EIF4B: variants seen among roughly 807,000 people sequenced by gnomAD.
The protein encoded by EIF4B is eukaryotic translation initiation factor 4B.
A neutral mutation model predicts 79.3 loss-of-function variants in EIF4B; 8 were observed. The ratio of observed to expected loss-of-function variants is 0.10; its 90% CI spans 0.06 to 0.18. The LOEUF (loss-of-function observed/expected upper bound fraction) is 0.18. Ranked by LOEUF, EIF4B falls within the 10% of genes least tolerant of loss-of-function variation. The pLI is 1.00. For synonymous variants in EIF4B, 238 were observed against 274.7 expected, an observed-to-expected ratio of 0.87 and a Z score of 1.32; for missense variants, 515 against 792.4, an observed-to-expected ratio of 0.65 and a Z score of 4.20.
At chr12:53,040,023 A>T in intron 14 of EIF4B, 120 bp from the exon 15 acceptor site, 1 of 1,137,438 alleles carries the variant, frequency 8.8e-7, no homozygotes. Flanking sequence ...GCTGATGAGC[A>T]AGCAAGTGGG....
intron 10 of EIF4B, among the ~76,000 whole-genome samples, chr12:53,035,374 T>TA (rs1555154127): frequency 3.9e-4 from 52 of 133,974 alleles, no homozygotes; most frequent in African/African-American, 5.8e-4. Flanking sequence ...TTTATTTATT[T>TA]TCTTTTTTTT....
At chr12:53,033,723 G>A in intron 8 of EIF4B, 83 bp from the exon 9 acceptor site, 6 of 1,393,636 alleles carry the variant, frequency 4.3e-6, no homozygotes, top group Non-Finnish European at 5.8e-6. Context: ...GCATTTCATA[G>A]GAGTTATATC....
chr12:53,039,186 G>A (rs1221439594), intron 12 of EIF4B, 52 bp from the exon 13 acceptor site: 1 of 1,288,432 alleles, frequency 7.8e-7, no homozygotes, highest in Non-Finnish European at 1.1e-6. Flanking sequence ...TTAGGAGAGG[G>A]ACATTGATAC....
Position 53,034,081 on chromosome 12 carries a change from A to G in EIF4B, c.1208+47A>G, listed in dbSNP as rs952115776. On this transcript the variant is annotated intron_variant, in intron 9 of 14. Transcript: ENST00000262056. ...CCCATCTAGGAATCCGGTGGTTCGT[A>G]ATGGGGGCATTACATCCCCAGGGGC... 6 of 1,545,056 alleles carry G rather than the reference A, an allele frequency of 3.9e-6. No homozygotes were observed. The Admixed American group carries it at 1.2e-4, about 31-fold the overall frequency.
intron 14 of EIF4B, 194 bp downstream of exon 14, chr12:53,039,896 C>T: frequency 5.2e-6 from 4 of 768,078 alleles, no homozygotes; most frequent in Non-Finnish European, 6.2e-6. Context: ...TAGCTTTTTC[C>T]TGGTTTCTGT....
In EIF4B at chr12:53,008,983, C is replaced by A. The variant is rs540339846; in HGVS notation, c.13+2487C>A. ...CTGGGAGGGGGAGATTGCAGTGAAC[C>A]GAGATTGTGCCATTGCACTCCAGCC... On this transcript the variant is annotated intron_variant, in intron 1 of 14. Coordinates refer to ENST00000262056, the MANE Select transcript of EIF4B (RefSeq NM_001417.7). 2.6e-5 allele frequency among the ~76,000 whole-genome samples: 4 copies of A among 152,098 alleles called. No individual in the cohort carries two copies. In the East Asian group the frequency reaches 7.7e-4, roughly 29 times the overall value.
intron 3 of EIF4B, among the ~76,000 whole-genome samples, chr12:53,019,431 A>ATTTTTTTT (rs1555151903): frequency 2.6e-4 from 9 of 35,194 alleles, no homozygotes; most frequent in Non-Finnish European, 7.3e-4. Context: ...AATTATATAT[A>ATTTTTTTT]TATATATTTT....
At position 53,039,260 on chromosome 12, in the gene EIF4B, G is replaced by T. The variant is rs1943589492; in HGVS notation, c.1599G>T (p.Met533Ile). Residue 533 changes from methionine (M) to isoleucine (I), a missense_variant, in exon 13 of 15, where the codon ATG becomes ATT. Coordinates refer to ENST00000262056, the MANE Select transcript of EIF4B (RefSeq NM_001417.7). Reference sequence around the variant, plus strand: ...CAGATGAAAATAAAGTAGATGGGATGAATGCCCCAAAAGGCCAAACTGGGA... The same window carrying T: ...CAGATGAAAATAAAGTAGATGGGATTAATGCCCCAAAAGGCCAAACTGGGA... ...GRKDENKVDGMNAPKGQTGNS... is the reference protein window; with the variant it reads ...GRKDENKVDGINAPKGQTGNS... The T allele has an allele frequency of 6.2e-7, 1 of 1,609,366 alleles. No individual in the cohort carries two copies. The highest frequency in any genetic ancestry group is 8.5e-7 in the Non-Finnish European group (1 of 1,177,432).
chr12:53,019,433 ATATATTTTTTTTTTTTCT>A (rs1264210379), intron 3 of EIF4B, among the ~76,000 whole-genome samples: 3 of 32,906 alleles, frequency 9.1e-5, no homozygotes, highest in Non-Finnish European at 2.5e-4. Context: ...TTATATATAT[ATATATTTTTTTTTTTTCT>A]TTTTTTTTTT....
chr12:53,028,200 CTTTTT>C lies in EIF4B; in HGVS notation c.979+13_979+17del, dbSNP rs758597549. ...GCGTGATGATAGAGGTAATAGTTTT[CTTTTT>C]ACGTACTTCATGGAGCAGAAACTGG... On this transcript the variant is annotated intron_variant, in intron 8 of 14. Transcript: ENST00000262056. 1.3e-6 allele frequency: 2 copies of C among 1,555,082 alleles called. No individual in the cohort carries two copies. Among genetic ancestry groups the C allele is most frequent in the East Asian group, 4.5e-5 (2 of 44,332 alleles).
chr12:53,021,624 G>T lies in EIF4B; in HGVS notation c.478-182G>T, dbSNP rs985200965. On this transcript the variant is annotated intron_variant, in intron 4 of 14. Coordinates refer to ENST00000262056, the MANE Select transcript of EIF4B (RefSeq NM_001417.7). ...TAATATTCAAGGCCAGCTTAAATTT[G>T]TTTAACTTTTAAGTCTTTTAAAGGA... is the stretch of plus-strand genomic sequence containing the variant. The T allele has an allele frequency of 8.5e-6, 6 of 707,790 alleles. No individual in the cohort carries two copies. In the African/African-American group the frequency reaches 1.1e-4, roughly 13 times the overall value. 43.8% of individuals were successfully genotyped at this position (707,790 alleles called of 1,614,324 possible).
intron 8 of EIF4B, among the ~76,000 whole-genome samples, chr12:53,028,830 A>C (rs1186495839): frequency 6.6e-6 from 1 of 152,076 alleles, no homozygotes; most frequent in African/African-American, 2.4e-5. Flanking sequence ...ATGGGGTTAA[A>C]AACGAAGCAT....
chr12:53,037,849 C>T (rs1943564900), intron 11 of EIF4B: 2 of 569,794 alleles, frequency 3.5e-6, no homozygotes, highest in Non-Finnish European at 6.3e-6. Context: ...GTACTAATGC[C>T]GCACAAATCT....
chr12:53,009,701 A>G (rs1440513214), intron 1 of EIF4B, among the ~76,000 whole-genome samples: 5 of 152,136 alleles, frequency 3.3e-5, no homozygotes, highest in Non-Finnish European at 5.9e-5. Context: ...GCCATTATAT[A>G]TTGCTTACAG....
chr12:53,023,263 C>T (rs1017742251), intron 6 of EIF4B, among the ~76,000 whole-genome samples: 1 of 152,222 alleles, frequency 6.6e-6, no homozygotes, highest in East Asian at 1.9e-4. Context: ...GACGGAGTCT[C>T]GCTGTGTCGC....
chr12:53,037,281 G>C (rs771419715), intron 10 of EIF4B, 128 bp from the exon 11 acceptor site: 6 of 985,762 alleles, frequency 6.1e-6, no homozygotes, highest in Non-Finnish European at 9.0e-6. Flanking sequence ...TAAACCACTG[G>C]TTTAGGGATA....
intron 2 of EIF4B, 160 bp from the exon 3 acceptor site, chr12:53,018,638 T>G: frequency 1.6e-6 from 1 of 639,158 alleles, no homozygotes; most frequent in East Asian, 2.7e-5. Context: ...CTCAGAAGCT[T>G]CTCTTCGTAA....
intron 12 of EIF4B, 62 bp downstream of exon 12, chr12:53,038,473 A>C: frequency 2.7e-6 from 4 of 1,498,184 alleles, no homozygotes; most frequent in Non-Finnish European, 3.6e-6. Context: ...AGGCCTCCAA[A>C]ATTAGATTTT....
chr12:53,039,359 T>C lies in EIF4B; in HGVS notation c.1682+16T>C. ...AGTCAGATAGGTATGCTTGTTCTCT[T>C]TCTCATCTTTCCTCTGATCCACATG... On this transcript the variant is annotated intron_variant, in intron 13 of 14. Coordinates refer to ENST00000262056, the MANE Select transcript of EIF4B (RefSeq NM_001417.7). 1 of 1,546,134 alleles carries C rather than the reference T, an allele frequency of 6.5e-7. No homozygotes were observed. The highest frequency in any genetic ancestry group is 8.8e-7 in the Non-Finnish European group (1 of 1,131,354).
Sources: gnomAD v4.1 joint callset for allele counts (sites outside exome capture counted in the v4.1 genomes callset) on GRCh38, gnomAD v4.1.1 for gene constraint, MANE v1.5 for transcripts, NCBI Gene and HGNC (gene_info 2026-07-23, HGNC 2026-07-21) for gene names.